Variants in SH2D4B observed in about 807,000 individuals in gnomAD.
The protein encoded by SH2D4B is SH2 domain containing 4B.
Under a neutral mutation model 61.5 loss-of-function variants are expected in SH2D4B, and 45 were observed. The ratio of observed to expected loss-of-function variants is 0.73; its 90% CI spans 0.58 to 0.94. The LOEUF is 0.94. Among genes scored for constraint, SH2D4B ranks in the 40% least tolerant of loss-of-function variants. SH2D4B has a pLI of 0.00. For synonymous variants in SH2D4B, 224 were observed against 220.4 expected (o/e 1.02, Z -0.14); for missense variants, 572 against 574.2 (o/e 1.00, Z 0.04).
intron 4 of SH2D4B, among the ~76,000 whole-genome samples, chr10:80,597,089 G>C (rs1485194153): frequency 6.6e-6 from 1 of 152,194 alleles, no homozygotes; most frequent in East Asian, 1.9e-4. Flanking sequence ...AAGTATATGG[G>C]AGGGTGTGCA....
At chr10:80,572,960 ATATATATATATATATATATATATATATT>A (rs1564771878) in intron 3 of SH2D4B, among the ~76,000 whole-genome samples, 6 of 4,576 alleles carry the variant, frequency 1.3e-3, no homozygotes, top group African/African-American at 5.7e-3. Flanking sequence ...ATATATATAT[ATATATATATATATATATATATATATATT>A]TTTTTTTTTT....
At chr10:80,642,680 G>A (rs1449541629) in intron 7 of SH2D4B, among the ~76,000 whole-genome samples, 1 of 152,142 alleles carries the variant, frequency 6.6e-6, no homozygotes, top group Non-Finnish European at 1.5e-5. Flanking sequence ...CCTTTTGATG[G>A]ACACTTATCT....
intron 6 of SH2D4B, among the ~76,000 whole-genome samples, chr10:80,626,114 A>T (rs1168153828): frequency 6.6e-6 from 1 of 151,982 alleles, no homozygotes; most frequent in Non-Finnish European, 1.5e-5. Context: ...ATCTGTGCTC[A>T]TCATTTGTTC....
At position 80,620,100 on chromosome 10, in the gene SH2D4B, C is replaced by G. The variant is rs1005337533; in HGVS notation, c.988+10549C>G. On this transcript the variant is annotated intron_variant, in intron 6 of 7. Coordinates refer to ENST00000646907, the MANE Select transcript of SH2D4B (RefSeq NM_001388272.1). Reference sequence around the variant, plus strand: ...AATCCACACCTTGCCCACACGTTCTCCAGGTCATTGTGCATGGAAGGCTGA... The same window carrying G: ...AATCCACACCTTGCCCACACGTTCTGCAGGTCATTGTGCATGGAAGGCTGA... Among the ~76,000 whole-genome samples the G allele has an allele frequency of 2.6e-5, 4 of 152,302 alleles. No homozygotes were observed. The East Asian group carries it at 5.8e-4, about 22-fold the overall frequency.
chr10:80,639,163 A>G (rs1032664772), intron 7 of SH2D4B, among the ~76,000 whole-genome samples: 4 of 152,052 alleles, frequency 2.6e-5, no homozygotes, highest in African/African-American at 9.7e-5. Context: ...GTTTGTTGTG[A>G]TTTCTGTTCT....
At chr10:80,606,712 A>G (rs1007960629) in intron 5 of SH2D4B, among the ~76,000 whole-genome samples, 5 of 152,186 alleles carry the variant, frequency 3.3e-5, no homozygotes, top group Non-Finnish European at 5.9e-5. Context: ...CTGAAAATTT[A>G]ACAGTCAGCT....
intron 4 of SH2D4B, among the ~76,000 whole-genome samples, chr10:80,600,079 G>A (rs2132137307): frequency 6.6e-6 from 1 of 152,310 alleles, no homozygotes; most frequent in South Asian, 2.1e-4. Flanking sequence ...AGCCCGCCAT[G>A]TACTGTCCCA....
At chr10:80,565,294 TCCCCTGTACCCCCCA>T (rs1841950820) in intron 1 of SH2D4B, among the ~76,000 whole-genome samples, 1 of 152,048 alleles carries the variant, frequency 6.6e-6, no homozygotes, top group Admixed American at 6.6e-5. Context: ...CCATTAACCA[TCCCCTGTACCCCCCA>T]CCCCCAGCCC....
intron 3 of SH2D4B, among the ~76,000 whole-genome samples, chr10:80,577,664 G>C (rs188468446): frequency 1.3e-5 from 2 of 151,650 alleles, no homozygotes; most frequent in Admixed American, 6.6e-5. Context: ...CTGACCTTGC[G>C]ATCCACCCGC....
intron 6 of SH2D4B, among the ~76,000 whole-genome samples, chr10:80,617,495 C>A (rs947027092): frequency 6.6e-6 from 1 of 152,170 alleles, no homozygotes; most frequent in Non-Finnish European, 1.5e-5. Context: ...TGAGTAAAGG[C>A]ATGTAAATAA....
At chr10:80,605,521 C>CT in intron 5 of SH2D4B, among the ~76,000 whole-genome samples, 1 of 152,148 alleles carries the variant, frequency 6.6e-6, no homozygotes, top group South Asian at 2.1e-4. Flanking sequence ...TTTATATCTT[C>CT]TTTTTTGTTT....
chr10:80,559,690 T>A (rs1208546976), intron 1 of SH2D4B, among the ~76,000 whole-genome samples: 1 of 150,492 alleles, frequency 6.6e-6, no homozygotes, highest in Non-Finnish European at 1.5e-5. Flanking sequence ...CAGCCTATAG[T>A]GTAGTGGTAT....
chr10:80,643,921 C>G (rs1840351078), intron 7 of SH2D4B, 72 bp from the exon 8 acceptor site: 1 of 1,010,440 alleles, frequency 9.9e-7, no homozygotes, highest in South Asian at 1.6e-5. Context: ...TCTTGAACCA[C>G]TCTCTCTCTC....
At chr10:80,621,315 T>A (rs1191094350) in intron 6 of SH2D4B, among the ~76,000 whole-genome samples, 1 of 152,234 alleles carries the variant, frequency 6.6e-6, no homozygotes, top group East Asian at 1.9e-4. Context: ...AGAAACTACG[T>A]CTATATTTTT....
chr10:80,545,465 T>C (rs1386997841), intron 1 of SH2D4B, among the ~76,000 whole-genome samples: 1 of 152,018 alleles, frequency 6.6e-6, no homozygotes, highest in Non-Finnish European at 1.5e-5. Flanking sequence ...TTTCTTCTTC[T>C]CCTTTTTCTC....
At chr10:80,603,306 G>A (rs1013331279) in intron 4 of SH2D4B, among the ~76,000 whole-genome samples, 8 of 152,222 alleles carry the variant, frequency 5.3e-5, no homozygotes, top group Non-Finnish European at 7.4e-5. Flanking sequence ...ACCCTAAACC[G>A]TCAGGGTATC....
rs1841533413 is a variant in SH2D4B at position 80,538,368 on chromosome 10, C to T, written c.37C>T (p.Pro13Ser). ...QQILHDMYID[P>S]ELLAELSDVQ... is the part of the protein sequence containing the mutation. ...GATCCTGCACGACATGTACATCGACCCCGAGCTCCTTGCCGAGCTCAGCGA... is the reference window on the plus strand; with the variant it reads ...GATCCTGCACGACATGTACATCGACTCCGAGCTCCTTGCCGAGCTCAGCGA... The change falls in exon 1 of 8, where the codon CCC becomes TCC. Residue 13 changes from proline to serine, a missense_variant. Pro to Ser is a moderately conservative substitution (Grantham distance 74, BLOSUM62 -1). Transcript: ENST00000646907. This position sits in a 1 kb window ranked among gnomAD's most constrained non-coding sequence, Gnocchi z 4.8. 11 of 1,404,676 alleles carry T rather than the reference C, an allele frequency of 7.8e-6. No individual in the cohort carries two copies. Among genetic ancestry groups the T allele is most frequent in the Non-Finnish European group, 1.0e-5 (11 of 1,074,490 alleles). The allele number at this position is 1,404,676 out of a possible 1,614,324, so 87.0% of individuals were successfully genotyped here. A position where few individuals can be genotyped will look rare whatever the true frequency, so the allele number is the denominator to read the frequency against.
At chr10:80,585,617 G>A (rs1340000082) in intron 3 of SH2D4B, among the ~76,000 whole-genome samples, 2 of 152,178 alleles carry the variant, frequency 1.3e-5, no homozygotes, top group East Asian at 3.9e-4. Flanking sequence ...GCCCAGCCAG[G>A]ATGGCAGAGT....
At chr10:80,573,390 T>A (rs372643591) in intron 3 of SH2D4B, among the ~76,000 whole-genome samples, 7 of 129,166 alleles carry the variant, frequency 5.4e-5, no homozygotes, top group African/African-American at 2.9e-4. Flanking sequence ...TCTATCAGTC[T>A]ATTTATTTTC....
Sources: gnomAD v4.1 joint callset for allele counts (sites outside exome capture counted in the v4.1 genomes callset) on GRCh38, gnomAD v4.1.1 for gene constraint, Gnocchi (gnomAD v3.1) non-coding constraint, MANE v1.5 for transcripts, NCBI Gene and HGNC (gene_info 2026-07-23, HGNC 2026-07-21) for gene names.